NELL1: variants seen among roughly 807,000 people sequenced by gnomAD.
NELL1 encodes the protein protein kinase C-binding protein NELL1.
In NELL1, 76 loss-of-function variants were observed where a neutral mutation model predicts 107.4. That is an observed-to-expected ratio of 0.71 (90% confidence interval 0.59 to 0.86). NELL1 has a LOEUF of 0.86. NELL1 is among the 40% of genes least tolerant of loss of function. The pLI is 0.00. For synonymous variants in NELL1, 353 were observed against 341.2 expected (o/e 1.03, Z -0.38); for missense variants, 1,024 against 1,005.5 (o/e 1.02, Z -0.25).
intron 15 of NELL1, among the ~76,000 whole-genome samples, chr11:21,451,209 A>G (rs551779966): frequency 7.2e-4 from 106 of 146,376 alleles, no homozygotes; most frequent in African/African-American, 2.3e-3. Flanking sequence ...AAAAGAAAAA[A>G]AAAAGAAAAA....
chr11:21,334,734 A>G (rs977516203), intron 14 of NELL1, among the ~76,000 whole-genome samples: 3 of 151,958 alleles, frequency 2.0e-5, no homozygotes, highest in Admixed American at 2.0e-4. Context: ...TTTTCATACA[A>G]TGTTCTGGCG....
intron 14 of NELL1, among the ~76,000 whole-genome samples, chr11:21,355,629 T>C (rs2133727812): frequency 6.6e-6 from 1 of 152,346 alleles, no homozygotes; most frequent in Middle Eastern, 3.4e-3. Flanking sequence ...ACTTGAGTTG[T>C]TTTGGAAAAT....
In NELL1 at chr11:20,881,179, G is replaced by C. The variant is rs76734270; in HGVS notation, c.507-4265G>C. On this transcript the variant is annotated intron_variant, in intron 4 of 19. Transcript: ENST00000357134. ...ATTTTACTTTATTTGAATGAGTTAGGTTTTCACGTTGCTCTATTAGGAAAT... is the reference window on the plus strand; with the variant it reads ...ATTTTACTTTATTTGAATGAGTTAGCTTTTCACGTTGCTCTATTAGGAAAT... 7.9e-3 allele frequency among the ~76,000 whole-genome samples: 1,197 copies of C among 152,266 alleles called. 14 individuals are homozygous for C. The highest frequency in any genetic ancestry group is 0.028 in the African/African-American group (1,144 of 41,558).
intron 12 of NELL1, among the ~76,000 whole-genome samples, chr11:21,057,765 T>C (rs923435844): frequency 4.6e-5 from 7 of 152,100 alleles, no homozygotes; most frequent in African/African-American, 1.7e-4. Context: ...ATATAAAAAC[T>C]GACTATAGAT....
intron 15 of NELL1, among the ~76,000 whole-genome samples, chr11:21,519,869 T>G (rs1855674221): frequency 6.6e-6 from 1 of 152,186 alleles, no homozygotes; most frequent in Non-Finnish European, 1.5e-5. Context: ...AGATTCCTGG[T>G]GCTGACTCCT....
In NELL1 at chr11:21,575,514, A is replaced by T. The variant is rs1202633995; in HGVS notation, c.*492A>T. 6.4e-6 allele frequency: 1 copy of T among 157,070 alleles called. No individual in the cohort carries two copies. Among genetic ancestry groups the T allele is most frequent in the Non-Finnish European group, 1.4e-5 (1 of 71,014 alleles). The allele number at this position is 157,070 out of a possible 1,614,324, so 9.7% of individuals were successfully genotyped here. Reference sequence around the variant, plus strand: ...GATCCCTGTAAAATGTTTTGATGAAAATATGTATGTAGAGTCCAGTCGCAT... The same window carrying T: ...GATCCCTGTAAAATGTTTTGATGAATATATGTATGTAGAGTCCAGTCGCAT... On this transcript the variant is annotated 3_prime_UTR_variant, in exon 20 of 20. Transcript: ENST00000357134.
intron 2 of NELL1, among the ~76,000 whole-genome samples, chr11:20,775,803 G>A (rs1856739316): frequency 6.6e-6 from 1 of 152,192 alleles, no homozygotes; most frequent in Non-Finnish European, 1.5e-5. Flanking sequence ...AATCTCTTTT[G>A]ATCGAATGGC....
chr11:21,279,738 A>T (rs1848950021), intron 14 of NELL1, among the ~76,000 whole-genome samples: 1 of 152,192 alleles, frequency 6.6e-6, no homozygotes, highest in East Asian at 1.9e-4. Context: ...ATGAGTTGTA[A>T]ACTCTGTCCT....
intron 2 of NELL1, among the ~76,000 whole-genome samples, chr11:20,692,633 A>G (rs10766712): frequency 0.85 from 127,490 of 150,452 alleles, 54,453 homozygotes; most frequent in Non-Finnish European, 0.87. Context: ...TAGTTTGATT[A>G]CACTGTGGTC....
intron 13 of NELL1, among the ~76,000 whole-genome samples, chr11:21,196,014 T>C (rs1857144690): frequency 6.6e-6 from 1 of 152,194 alleles, no homozygotes; most frequent in African/African-American, 2.4e-5. Flanking sequence ...GACATTTCTT[T>C]AGGGTTATTT....
intron 13 of NELL1, among the ~76,000 whole-genome samples, chr11:21,132,337 C>T (rs1417059610): frequency 6.6e-6 from 1 of 152,158 alleles, no homozygotes; most frequent in African/African-American, 2.4e-5. Context: ...GACGGAGCCT[C>T]CCGTCTAAGT....
At chr11:21,524,421 G>A (rs1248914331) in intron 15 of NELL1, among the ~76,000 whole-genome samples, 1 of 152,066 alleles carries the variant, frequency 6.6e-6, no homozygotes, top group Non-Finnish European at 1.5e-5. Context: ...AAAATAGAAT[G>A]TATGTCAGAA....
intron 3 of NELL1, among the ~76,000 whole-genome samples, chr11:20,814,241 G>T (rs570708946): frequency 4.7e-4 from 72 of 152,230 alleles, no homozygotes; most frequent in African/African-American, 1.4e-3. Flanking sequence ...TGATCCGCCC[G>T]CCTCGGCCTC....
chr11:21,440,172 G>T (rs1417455652), intron 15 of NELL1, among the ~76,000 whole-genome samples: 1 of 152,048 alleles, frequency 6.6e-6, no homozygotes, highest in Non-Finnish European at 1.5e-5. Flanking sequence ...TCTTATAGTA[G>T]ATTTACCTAA....
chr11:20,907,412 T>C (rs1248465747), intron 5 of NELL1, among the ~76,000 whole-genome samples: 1 of 151,978 alleles, frequency 6.6e-6, no homozygotes, highest in East Asian at 1.9e-4. Context: ...GGGCAAATGA[T>C]CTGAATACAC....
intron 2 of NELL1, among the ~76,000 whole-genome samples, chr11:20,706,001 A>T (rs1203789914): frequency 6.6e-6 from 1 of 152,212 alleles, no homozygotes; most frequent in East Asian, 1.9e-4. Flanking sequence ...GCGATTATTA[A>T]AAAGTCAAGA....
intron 12 of NELL1, among the ~76,000 whole-genome samples, chr11:20,967,196 G>C (rs1293686887): frequency 2.0e-5 from 3 of 152,098 alleles, no homozygotes; most frequent in Non-Finnish European, 4.4e-5. Context: ...CAGGGCATAG[G>C]TATTTACTAG....
intron 7 of NELL1, among the ~76,000 whole-genome samples, chr11:20,926,609 T>C (rs1035939837): frequency 1.3e-5 from 2 of 152,198 alleles, no homozygotes; most frequent in Non-Finnish European, 2.9e-5. Flanking sequence ...ATTCAAGCTT[T>C]ATAATCCCTT....
intron 15 of NELL1, among the ~76,000 whole-genome samples, chr11:21,450,396 T>C (rs1270716298): frequency 6.6e-6 from 1 of 152,212 alleles, no homozygotes; most frequent in Non-Finnish European, 1.5e-5. Flanking sequence ...CAGGCTGCTG[T>C]AGTGTATTTT....
Sources: gnomAD v4.1 joint callset for allele counts (sites outside exome capture counted in the v4.1 genomes callset) on GRCh38, gnomAD v4.1.1 for gene constraint, MANE v1.5 for transcripts, NCBI Gene and HGNC (gene_info 2026-07-23, HGNC 2026-07-21) for gene names.